UCMA: variants seen among roughly 807,000 people sequenced by gnomAD.
UCMA encodes upper zone of growth plate and cartilage matrix-associated protein.
In UCMA, 21 loss-of-function variants were observed where a neutral mutation model predicts 21.8. The observed-to-expected ratio is 0.97, with a 90% confidence interval of 0.68 to 1.39. The LOEUF (loss-of-function observed/expected upper bound fraction) is 1.39, where lower values mean the gene tolerates loss of function less well. Among genes scored for constraint, UCMA ranks in the 40% most tolerant of loss-of-function variants. The probability of loss-of-function intolerance (pLI) is 0.00; values close to 1 mark genes in which losing one functional copy is unlikely to be tolerated. For synonymous variants in UCMA, 76 were observed against 67.9 expected, an observed-to-expected ratio of 1.12 and a Z score of -0.58; for missense variants, 193 against 178.9, an observed-to-expected ratio of 1.08 and a Z score of -0.45.
intron 3 of UCMA, among the ~76,000 whole-genome samples, chr10:13,232,026 G>A (rs1197489969): frequency 2.0e-5 from 3 of 152,178 alleles, no homozygotes; most frequent in Admixed American, 6.5e-5. Flanking sequence ...GCTTCTGTCC[G>A]AGGTAAGGCA....
rs767980356 is a variant in UCMA, at chr10:13,229,633, G to T, written c.297C>A (p.Asn99Lys). ...TACCATCGTTTTGTTCCTCCACGAAGTTCTCAAATTCATTCCTTTGTTCCT... is the reference window on the plus strand; with the variant it reads ...TACCATCGTTTTGTTCCTCCACGAATTTCTCAAATTCATTCCTTTGTTCCT... ...YYEEQRNEFE[N>K]FVEEQNDEQE... is the part of the protein sequence containing the mutation. Residue 99 changes from asparagine (N) to lysine (K), a missense_variant, in exon 4 of 5, where the codon AAC becomes AAA. Asn to Lys is a moderately conservative substitution (Grantham distance 94). Transcript: ENST00000378681. 17 of 1,613,946 alleles carry T rather than the reference G, an allele frequency of 1.1e-5. No homozygotes were observed. The highest frequency in any genetic ancestry group is 1.7e-5 in the Admixed American group (1 of 59,972).
chr10:13,231,380 A>C (rs866581554), intron 3 of UCMA, among the ~76,000 whole-genome samples: 4 of 152,144 alleles, frequency 2.6e-5, no homozygotes, highest in Admixed American at 6.5e-5. Flanking sequence ...TGCATGACCT[A>C]ACAGAGGTCA....
chr10:13,226,492 A>T (rs74474486), intron 4 of UCMA, among the ~76,000 whole-genome samples: 9,051 of 151,742 alleles, frequency 0.06, 310 homozygotes, highest in African/African-American at 0.097. Context: ...TAATTGAAAA[A>T]TTTTTTTTCT....
chr10:13,229,500 C>T (rs1834869390), intron 4 of UCMA, 111 bp downstream of exon 4: 19 of 927,034 alleles, frequency 2.0e-5, no homozygotes, highest in Admixed American at 1.4e-4. Flanking sequence ...AGCAAGACTT[C>T]GTCTCAAAAA....
chr10:13,234,352 C>A lies in UCMA; in HGVS notation c.-94G>T. 1 of 1,305,340 alleles carries A rather than the reference C, an allele frequency of 7.7e-7. No homozygotes were observed. Among genetic ancestry groups the A allele is most frequent in the Non-Finnish European group, 1.0e-6 (1 of 955,778 alleles). 80.9% of individuals were successfully genotyped at this position (1,305,340 alleles called of 1,614,324 possible). A position where few individuals can be genotyped will look rare whatever the true frequency, so the allele number is the denominator to read the frequency against. ...CCACTTCTGAGGCAGGCAGCCCAGG[C>A]GAGAGGAAGGAAGGCGGGGGAGGGA... On this transcript the variant is annotated 5_prime_UTR_variant, in exon 1 of 5. Transcript: ENST00000378681.
intron 4 of UCMA, among the ~76,000 whole-genome samples, chr10:13,229,218 G>A (rs1318351801): frequency 2.0e-5 from 3 of 152,144 alleles, no homozygotes; most frequent in Non-Finnish European, 4.4e-5. Flanking sequence ...TTACAGGCAT[G>A]AGCGACTGCG....
intron 1 of UCMA, 39 bp downstream of exon 1, chr10:13,234,162 T>C (rs1448391772): frequency 1.3e-6 from 2 of 1,580,084 alleles, no homozygotes; most frequent in Admixed American, 1.8e-5. Context: ...TCCCTTACCA[T>C]GTAACTAACA....
intron 4 of UCMA, among the ~76,000 whole-genome samples, chr10:13,227,528 G>T (rs1834837570): frequency 6.6e-6 from 1 of 151,986 alleles, no homozygotes; most frequent in Non-Finnish European, 1.5e-5. Flanking sequence ...GACCAGCCTG[G>T]CCAACATAGT....
At chr10:13,223,225 C>CAAA (rs199884773) in intron 4 of UCMA, among the ~76,000 whole-genome samples, 13 of 117,106 alleles carry the variant, frequency 1.1e-4, no homozygotes, top group African/African-American at 4.0e-4. Context: ...GATCCTATCT[C>CAAA]AAAAAAAAAA....
Position 13,233,943 on chromosome 10 carries a change from G to A in UCMA, c.59-143C>T, listed in dbSNP as rs116950364. Reference sequence around the variant, plus strand: ...TGGTTTCTCACGTACCAGCTGCAGAGCCAATCTCCCCAGGAACCCACCAAG... The same window carrying A: ...TGGTTTCTCACGTACCAGCTGCAGAACCAATCTCCCCAGGAACCCACCAAG... On this transcript the variant is annotated intron_variant, in intron 1 of 4. Coordinates refer to ENST00000378681, the MANE Select transcript of UCMA (RefSeq NM_145314.3). The A allele has an allele frequency of 2.4e-3, 2,599 of 1,066,078 alleles. 32 individuals carry two copies. The East Asian group carries it at 0.036, about 15-fold the overall frequency. 66.0% of individuals were successfully genotyped at this position (1,066,078 alleles called of 1,614,324 possible).
intron 4 of UCMA, 55 bp downstream of exon 4, chr10:13,229,556 G>T: frequency 6.9e-7 from 1 of 1,456,408 alleles, no homozygotes; most frequent in Non-Finnish European, 9.5e-7. Context: ...AGCAAACCAT[G>T]TGATTTCTCC....
chr10:13,224,465 TTGTG>T (rs1228306314), intron 4 of UCMA, among the ~76,000 whole-genome samples: 1 of 152,132 alleles, frequency 6.6e-6, no homozygotes, highest in African/African-American at 2.4e-5. Context: ...AAGTTTTATG[TTGTG>T]TGTGTTTTAT....
intron 3 of UCMA, among the ~76,000 whole-genome samples, chr10:13,230,921 G>C (rs916274029): frequency 6.6e-6 from 1 of 152,178 alleles, no homozygotes; most frequent in Non-Finnish European, 1.5e-5. Context: ...GCCAGGCGTG[G>C]TGGCAGGTGC....
Position 13,222,117 on chromosome 10 carries a change from G to C in UCMA, c.403C>G (p.Arg135Gly). 1 of 1,614,152 alleles carries C rather than the reference G, an allele frequency of 6.2e-7. No individual in the cohort carries two copies. The highest frequency in any genetic ancestry group is 2.2e-5 in the East Asian group (1 of 44,876). ...DGLHPSYLYN[R>G]HHT is the part of the protein sequence containing the mutation. ...TCAGGATGGGATCAGGTGTGGTGGC[G>C]GTTGTAGAGATAGGATGGGTGCAGG... The change falls in exon 5 of 5, where the codon CGC becomes GGC. Residue 135 changes from arginine to glycine, a missense_variant. Arg to Gly is a moderately radical substitution (Grantham distance 125). Coordinates refer to ENST00000378681, the MANE Select transcript of UCMA (RefSeq NM_145314.3).
intron 1 of UCMA, 27 bp from the exon 2 acceptor site, chr10:13,233,827 C>G (rs750053855): frequency 6.2e-7 from 1 of 1,613,024 alleles, no homozygotes; most frequent in African/African-American, 1.3e-5. Flanking sequence ...CAGAGTGAGG[C>G]TGCAGCATCA....
chr10:13,225,673 CAA>C (rs397728212), intron 4 of UCMA, among the ~76,000 whole-genome samples: 4 of 106,986 alleles, frequency 3.7e-5, no homozygotes, highest in African/African-American at 3.8e-5. Flanking sequence ...GATTCCATCT[CAA>C]AAAAAAAAAA....
intron 3 of UCMA, among the ~76,000 whole-genome samples, chr10:13,230,653 G>C (rs1253509230): frequency 2.0e-5 from 3 of 152,184 alleles, no homozygotes; most frequent in Non-Finnish European, 2.9e-5. Flanking sequence ...AGGCTGGGGG[G>C]TGCTGAAGGA....
At chr10:13,228,838 T>C (rs1266253306) in intron 4 of UCMA, among the ~76,000 whole-genome samples, 1 of 118,616 alleles carries the variant, frequency 8.4e-6, no homozygotes, top group East Asian at 2.3e-4. Context: ...AGTTGCCCCA[T>C]CCCCACAGCC....
Position 13,227,242 on chromosome 10 carries a change from C to G in UCMA, c.319+2369G>C, listed in dbSNP as rs112117715. ...GTGGTTTCCTTTTCACTAGGAGATG[C>G]CTTCCGAGGGTGCTGCCTCCCCAGT... On this transcript the variant is annotated intron_variant, in intron 4 of 4. Coordinates refer to ENST00000378681, the MANE Select transcript of UCMA (RefSeq NM_145314.3). Among the ~76,000 whole-genome samples, 5 of 152,254 alleles carry G rather than the reference C, an allele frequency of 3.3e-5. 2 individuals carry two copies. Among genetic ancestry groups the G allele is most frequent in the African/African-American group, 1.2e-4 (5 of 41,562 alleles).
Sources: gnomAD v4.1 joint callset for allele counts (sites outside exome capture counted in the v4.1 genomes callset) on GRCh38, gnomAD v4.1.1 for gene constraint, MANE v1.5 for transcripts, NCBI Gene and HGNC (gene_info 2026-07-23, HGNC 2026-07-21) for gene names.